The following FREM1 variants were observed in gnomAD, a reference collection of about 807,000 sequenced individuals.
FREM1 encodes the protein FRAS1-related extracellular matrix protein 1.
Under a neutral mutation model 210.1 loss-of-function variants are expected in FREM1, and 220 were observed. That is an observed-to-expected ratio of 1.05 (90% CI 0.94 to 1.17). The LOEUF is 1.17. Among genes scored for constraint, FREM1 ranks in the 50% most tolerant of loss-of-function variants. FREM1 has a pLI of 0.00. For synonymous variants in FREM1, 1,189 were observed against 980.2 expected, an observed-to-expected ratio of 1.21 and a Z score of -3.98; for missense variants, 3,454 against 2,675.5, an observed-to-expected ratio of 1.29 and a Z score of -6.42.
chr9:14,859,458 TC>T lies in FREM1; in HGVS notation c.355del (p.Glu119LysfsTer19). ...YRFTERDTFI[E>X]TFILWVYLLE... is the part of the protein sequence containing the mutation. ...GAGATAGACCCACAGGATAAAAGTT[TC>T]TATGAAGGTATCTCTTTCAGTAAAT... is the stretch of plus-strand genomic sequence containing the variant. On this transcript the variant is annotated frameshift_variant, in exon 4 of 37. Coordinates refer to ENST00000380880, the MANE Select transcript of FREM1 (RefSeq NM_001379081.2). LOFTEE classifies it high-confidence loss of function. 1 of 1,613,058 alleles carries T rather than the reference TC, an allele frequency of 6.2e-7. No individual in the cohort carries two copies. The highest frequency in any genetic ancestry group is 8.5e-7 in the Non-Finnish European group (1 of 1,179,392).
At position 14,823,050 on chromosome 9, in the gene FREM1, T is replaced by G. The variant is rs574865390; in HGVS notation, c.2337+110A>C. The G allele has an allele frequency of 1.0e-5, 8 of 768,270 alleles. No homozygotes were observed. In the South Asian group the frequency reaches 2.8e-4, roughly 26 times the overall value. 47.6% of individuals were successfully genotyped at this position (768,270 alleles called of 1,614,324 possible). A position where few individuals can be genotyped will look rare whatever the true frequency, so the allele number is the denominator to read the frequency against. On this transcript the variant is annotated intron_variant, in intron 13 of 36. Coordinates refer to ENST00000380880, the MANE Select transcript of FREM1 (RefSeq NM_001379081.2). ...TACTACACCATAGATGGAAATTTCT[T>G]TTATAAGTTTAAAAAACTAGCCTAA...
chr9:14,839,475 T>G (rs1825245760), intron 10 of FREM1, among the ~76,000 whole-genome samples: 1 of 152,206 alleles, frequency 6.6e-6, no homozygotes, highest in Non-Finnish European at 1.5e-5. Context: ...AGCAAATTTG[T>G]AGATCTCCCT....
rs61747865 is a variant in FREM1, at chr9:14,841,532, C to T, written c.1796G>A (p.Arg599His). 181 of 1,611,666 alleles carry T rather than the reference C, an allele frequency of 1.1e-4. No homozygotes were observed. The highest frequency in any genetic ancestry group is 1.4e-4 in the Non-Finnish European group (170 of 1,178,382). ...RDLFNGIIYY[R>H]HFGGEIFEDS... ...TTCAAAGATTTCTCCACCAAAATGA[C>T]GATAATAAATGATTCCATTAAACAA... Residue 599 changes from arginine (R) to histidine (H), a missense_variant, in exon 10 of 37, where the codon CGT (arginine) becomes CAT (histidine). Transcript: ENST00000380880.
intron 24 of FREM1, among the ~76,000 whole-genome samples, chr9:14,778,814 G>A (rs1275324425): frequency 2.7e-5 from 4 of 150,336 alleles, no homozygotes; most frequent in Non-Finnish European, 4.4e-5. Context: ...AGGCTGGGGT[G>A]GGTGGAGCGC....
intron 17 of FREM1, 50 bp downstream of exon 17, chr9:14,807,890 T>A: frequency 7.9e-7 from 1 of 1,272,428 alleles, no homozygotes; most frequent in Non-Finnish European, 1.1e-6. Flanking sequence ...GAACCACAGG[T>A]ATGACACTAG....
chr9:14,781,729 G>A lies in FREM1; in HGVS notation c.4442+2641C>T, dbSNP rs1468115864. Among the ~76,000 whole-genome samples, 10 of 152,242 alleles carry A rather than the reference G, an allele frequency of 6.6e-5. No individual in the cohort carries two copies. In the South Asian group the frequency reaches 1.7e-3, roughly 25 times the overall value. On this transcript the variant is annotated intron_variant, in intron 24 of 36. Coordinates refer to ENST00000380880, the MANE Select transcript of FREM1 (RefSeq NM_001379081.2). Reference sequence around the variant, plus strand: ...TATAAATTCTTTTTTTTGAGATGGAGTTTCGCTCTTGTTGCCCAGGCTGGA... The same window carrying A: ...TATAAATTCTTTTTTTTGAGATGGAATTTCGCTCTTGTTGCCCAGGCTGGA...
At chr9:14,797,208 T>C (rs77208807) in intron 21 of FREM1, among the ~76,000 whole-genome samples, 6,070 of 152,376 alleles carry the variant, frequency 0.04, 148 homozygotes, top group Non-Finnish European at 0.053. Flanking sequence ...TGTATTTATA[T>C]GTTTAGTAGA....
intron 1 of FREM1, among the ~76,000 whole-genome samples, chr9:14,878,365 C>A (rs1288761515): frequency 6.6e-6 from 1 of 152,062 alleles, no homozygotes; most frequent in Admixed American, 6.6e-5. Context: ...CTTCTGTTGT[C>A]TCTGACTTGA....
chr9:14,777,890 TG>T (rs1848900383), intron 24 of FREM1, among the ~76,000 whole-genome samples: 1 of 152,168 alleles, frequency 6.6e-6, no homozygotes, highest in Non-Finnish European at 1.5e-5. Flanking sequence ...GAGATGAGTT[TG>T]GCTGAGTACT....
In FREM1 at chr9:14,747,594, T is replaced by C. The variant is rs535140027; in HGVS notation, c.5844+87A>G. The C allele has an allele frequency of 4.1e-4, 430 of 1,040,150 alleles. No individual in the cohort carries two copies. The African/African-American group carries it at 6.5e-3, about 16-fold the overall frequency. The allele number at this position is 1,040,150 out of a possible 1,614,324, so 64.4% of individuals were successfully genotyped here. On this transcript the variant is annotated intron_variant, in intron 32 of 36. Coordinates refer to ENST00000380880, the MANE Select transcript of FREM1 (RefSeq NM_001379081.2). ...AAAACAATTTTTTAAGAGAAATGTATAAATATAAAAAATATAAAATAATAG... is the reference window on the plus strand; with the variant it reads ...AAAACAATTTTTTAAGAGAAATGTACAAATATAAAAAATATAAAATAATAG...
chr9:14,851,397 G>A lies in FREM1; in HGVS notation c.1039C>T (p.His347Tyr). 9 of 1,613,904 alleles carry A rather than the reference G, an allele frequency of 5.6e-6. No individual in the cohort carries two copies. The highest frequency in any genetic ancestry group is 1.1e-5 in the South Asian group (1 of 91,060). ...TKAPLQGYVT[H>Y]LLDHTRPISS... ...ATTGGTCTGGTGTGATCCAACAGGTGAGTCACATAGCCCTGGAGCGGGGCT... is the reference window on the plus strand; with the variant it reads ...ATTGGTCTGGTGTGATCCAACAGGTAAGTCACATAGCCCTGGAGCGGGGCT... The change falls in exon 6 of 37, where the codon CAC (histidine) becomes TAC (tyrosine). Residue 347 changes from histidine to tyrosine, a missense_variant. By Grantham distance (83) the His-to-Tyr change is moderately conservative (BLOSUM62 2). Transcript: ENST00000380880.
At chr9:14,741,428 C>T (rs1841560985) in intron 35 of FREM1, among the ~76,000 whole-genome samples, 1 of 152,156 alleles carries the variant, frequency 6.6e-6, no homozygotes, top group Admixed American at 6.5e-5. Context: ...ATATATAAGG[C>T]TCTTTGCCCC....
At chr9:14,770,461 C>T (rs1847334395) in intron 26 of FREM1, 144 bp downstream of exon 26, 1 of 617,246 alleles carries the variant, frequency 1.6e-6, no homozygotes, top group Non-Finnish European at 2.8e-6. Flanking sequence ...TCTTTAGGAG[C>T]AATATTGATT....
chr9:14,754,087 C>T (rs994870983), intron 29 of FREM1, among the ~76,000 whole-genome samples: 1 of 152,174 alleles, frequency 6.6e-6, no homozygotes, highest in African/African-American at 2.4e-5. Flanking sequence ...TCAGTCCAAA[C>T]AGAGCACCTG....
rs767551344 is a variant in FREM1 at position 14,819,429 on chromosome 9, G to T, written c.2351C>A (p.Pro784His). 6.2e-6 allele frequency: 10 copies of T among 1,611,018 alleles called. No homozygotes were observed. In the Admixed American group the frequency reaches 1.7e-4, roughly 27 times the overall value. Reference sequence around the variant, plus strand: ...TTGACCTCCCTCAGTCACTTTCAGAGGGTTGGTGAACGCCTAGAAAGAAGA... The same window carrying T: ...TTGACCTCCCTCAGTCACTTTCAGATGGTTGGTGAACGCCTAGAAAGAAGA... ...DNQVPEAFTN[P>H]LKVTEGGQSI... Residue 784 changes from proline to histidine, a missense_variant, in exon 14 of 37, where the codon CCT becomes CAT. Pro to His is a moderately conservative substitution (Grantham distance 77, BLOSUM62 -2). Transcript: ENST00000380880.
intron 1 of FREM1, among the ~76,000 whole-genome samples, chr9:14,885,515 G>A (rs961463247): frequency 1.3e-5 from 2 of 152,120 alleles, no homozygotes; most frequent in African/African-American, 4.8e-5. Flanking sequence ...CAATTCCTGG[G>A]CTCAAGCAAG....
chr9:14,882,342 G>C (rs1281084475), intron 1 of FREM1, among the ~76,000 whole-genome samples: 1 of 148,516 alleles, frequency 6.7e-6, no homozygotes, highest in Non-Finnish European at 1.5e-5. Context: ...GAAGAGACAA[G>C]AGAAGAGAGG....
At chr9:14,859,516 A>G in intron 3 of FREM1, 32 bp from the exon 4 acceptor site, 1 of 1,567,272 alleles carries the variant, frequency 6.4e-7, no homozygotes. Flanking sequence ...AGCAATATTA[A>G]TTGGTGCTCA....
intron 24 of FREM1, 54 bp from the exon 25 acceptor site, chr9:14,776,257 C>A: frequency 4.0e-6 from 6 of 1,493,402 alleles, no homozygotes; most frequent in Non-Finnish European, 5.4e-6. Flanking sequence ...TCACCATCTA[C>A]TGGAATGAAA....
Sources: allele counts gnomAD v4.1 joint callset (sites outside exome capture counted in the v4.1 genomes callset), GRCh38; gene constraint gnomAD v4.1.1; transcripts MANE v1.5; gene names NCBI Gene and HGNC (gene_info 2026-07-23, HGNC 2026-07-21).